ZBTB8B: variants seen among roughly 807,000 people sequenced by gnomAD.
ZBTB8B encodes the protein zinc finger and BTB domain containing 8B.
A neutral mutation model predicts 30.3 loss-of-function variants in ZBTB8B; 17 were observed. The observed-to-expected ratio is 0.56, with a 90% CI of 0.38 to 0.84. The LOEUF (loss-of-function observed/expected upper bound fraction) is 0.84. Ranked by LOEUF, ZBTB8B falls within the 40% of genes least tolerant of loss-of-function variation. ZBTB8B has a pLI of 0.00. For synonymous variants in ZBTB8B, 248 were observed against 255.6 expected, an observed-to-expected ratio of 0.97 and a Z score of 0.28; for missense variants, 515 against 644.9, an observed-to-expected ratio of 0.80 and a Z score of 2.18.
Position 32,471,286 on chromosome 1 carries a change from C to T in ZBTB8B, c.662C>T (p.Ser221Phe), listed in dbSNP as rs1278051685. The T allele has an allele frequency of 6.4e-7, 1 of 1,551,812 alleles. No homozygotes were observed. The highest frequency in any genetic ancestry group is 2.0e-5 in the Admixed American group (1 of 51,014). ...GGTGGCTCGGCTGACAGCAACCTCT[C>T]TACTCCACCCAAACGGATAGAGCCC... ...LGGGSADSNL[S>F]TPPKRIEPKV... Residue 221 changes from serine (S) to phenylalanine (F), a missense_variant, in exon 2 of 4, where the codon TCT becomes TTT. By Grantham distance (155) the Ser-to-Phe change is radical. Coordinates refer to ENST00000609129, the MANE Select transcript of ZBTB8B (RefSeq NM_001145720.2).
chr1:32,468,890 T>C (rs773430539), intron 1 of ZBTB8B, among the ~76,000 whole-genome samples: 1 of 151,150 alleles, frequency 6.6e-6, no homozygotes, highest in South Asian at 2.1e-4. Context: ...TCTCAAAGTT[T>C]TGAATTGGGA....
rs1229809576 is a variant in ZBTB8B at position 32,470,780 on chromosome 1, G to A, written c.156G>A (p.Leu52=). The change falls in exon 2 of 4, where the codon CTG becomes CTA. Residue 52 remains leucine, a synonymous_variant. Coordinates refer to ENST00000609129, the MANE Select transcript of ZBTB8B (RefSeq NM_001145720.2). ...LFANSGYFRA[L]LIHYIQDSGR... is the part of the protein sequence containing the mutation. ...CTAACAGCGGCTACTTCCGAGCCCTGCTCATTCACTATATCCAGGACAGCG... is the reference window on the plus strand; with the variant it reads ...CTAACAGCGGCTACTTCCGAGCCCTACTCATTCACTATATCCAGGACAGCG... 5 of 1,551,794 alleles carry A rather than the reference G, an allele frequency of 3.2e-6. No individual in the cohort carries two copies. The highest frequency in any genetic ancestry group is 2.6e-6 in the Non-Finnish European group (3 of 1,147,016).
chr1:32,481,029 G>T lies in ZBTB8B; in HGVS notation c.1130G>T (p.Arg377Met). The change falls in exon 3 of 4, where the codon AGG (arginine) becomes ATG (methionine). Residue 377 changes from arginine to methionine, a missense_variant. Arg to Met is a moderately conservative substitution (Grantham distance 91). This residue lies in a region of ZBTB8B where 429 missense variants were observed against 504.3 expected (regional missense o/e 0.85). Coordinates refer to ENST00000609129, the MANE Select transcript of ZBTB8B (RefSeq NM_001145720.2). ...RPYPCETCGK[R>M]FTRQEHLRSH... Reference sequence around the variant, plus strand: ...TACCCCTGTGAGACCTGCGGCAAGAGGTTCACTCGACAAGAGCACCTGCGG... The same window carrying T: ...TACCCCTGTGAGACCTGCGGCAAGATGTTCACTCGACAAGAGCACCTGCGG... 1 of 1,552,062 alleles carries T rather than the reference G, an allele frequency of 6.4e-7. No individual in the cohort carries two copies. The highest frequency in any genetic ancestry group is 8.7e-7 in the Non-Finnish European group (1 of 1,147,116).
At chr1:32,479,389 G>C (rs1051382542) in intron 2 of ZBTB8B, among the ~76,000 whole-genome samples, 3 of 152,228 alleles carry the variant, frequency 2.0e-5, no homozygotes, top group African/African-American at 7.2e-5. Context: ...TGGGCATGGT[G>C]GTGGGTGGCT....
chr1:32,479,840 A>G (rs1056085356), intron 2 of ZBTB8B, among the ~76,000 whole-genome samples: 2 of 152,238 alleles, frequency 1.3e-5, no homozygotes, highest in African/African-American at 4.8e-5. Flanking sequence ...TGGTTATATG[A>G]GCAAGGTGAG....
chr1:32,476,914 A>G (rs1370398398), intron 2 of ZBTB8B, among the ~76,000 whole-genome samples: 1 of 152,244 alleles, frequency 6.6e-6, no homozygotes, highest in Non-Finnish European at 1.5e-5. Flanking sequence ...ACCCTAGAAC[A>G]GAGCCTGACA....
At chr1:32,476,775 C>T (rs1482591685) in intron 2 of ZBTB8B, among the ~76,000 whole-genome samples, 11 of 145,430 alleles carry the variant, frequency 7.6e-5, no homozygotes, top group African/African-American at 2.6e-4. Flanking sequence ...GGCAACAGAG[C>T]GAGACTCTGT....
chr1:32,470,583 G>A lies in ZBTB8B; in HGVS notation c.-41-1G>A. On this transcript the variant is annotated splice_acceptor_variant, in intron 1 of 3. Coordinates refer to ENST00000609129, the MANE Select transcript of ZBTB8B (RefSeq NM_001145720.2). LOFTEE classifies it low-confidence loss of function (5UTR_SPLICE). The stretch of plus-strand genomic sequence containing the variant: ...AATTAACTTAAGAAAAATCTTGGCA[G>A]AGATACAGGTTTGCTCTGGAGCAGC... 6.7e-7 allele frequency: 1 copy of A among 1,488,324 alleles called. No homozygotes were observed. Among genetic ancestry groups the A allele is most frequent in the Non-Finnish European group, 9.0e-7 (1 of 1,114,324 alleles). The allele number at this position is 1,488,324 out of a possible 1,614,324, so 92.2% of individuals were successfully genotyped here. A position where few individuals can be genotyped will look rare whatever the true frequency, so the allele number is the denominator to read the frequency against.
chr1:32,471,124 G>T lies in ZBTB8B; in HGVS notation c.500G>T (p.Gly167Val). Residue 167 changes from glycine to valine, a missense_variant, in exon 2 of 4, where the codon GGG (glycine) becomes GTG (valine). This residue lies in a region of ZBTB8B where 429 missense variants were observed against 504.3 expected (regional missense o/e 0.85). Coordinates refer to ENST00000609129, the MANE Select transcript of ZBTB8B (RefSeq NM_001145720.2). ...DSESPSSGRE[G>V]TSCGTKSLVS... The stretch of plus-strand genomic sequence containing the variant: ...GAAAGCCCCAGTTCAGGCCGGGAGG[G>T]GACCTCCTGTGGTACCAAGAGCTTG... 1 of 1,551,630 alleles carries T rather than the reference G, an allele frequency of 6.4e-7. No individual in the cohort carries two copies. The highest frequency in any genetic ancestry group is 8.7e-7 in the Non-Finnish European group (1 of 1,146,990).
At chr1:32,471,716 G>A in intron 2 of ZBTB8B, 101 bp downstream of exon 2, 2 of 1,305,594 alleles carry the variant, frequency 1.5e-6, no homozygotes, top group Non-Finnish European at 2.1e-6. Flanking sequence ...CATCATCATT[G>A]TCACTACCAA....
chr1:32,494,362 G>C lies in ZBTB8B; in HGVS notation c.*8944G>C, dbSNP rs2148190471. 1 of 152,212 alleles carries C rather than the reference G, an allele frequency of 6.6e-6. No individual in the cohort carries two copies. Among genetic ancestry groups the C allele is most frequent in the East Asian group, 1.9e-4 (1 of 5,182 alleles). The allele number at this position is 152,212 out of a possible 1,614,324, so 9.4% of individuals were successfully genotyped here. On this transcript the variant is annotated 3_prime_UTR_variant, in exon 4 of 4. Transcript: ENST00000609129. ...TAGGATCAGAAACCAGGTCCTGCCAGGCCAGTCCTGATAATAGACAGACAT... is the reference window on the plus strand; with the variant it reads ...TAGGATCAGAAACCAGGTCCTGCCACGCCAGTCCTGATAATAGACAGACAT...
In ZBTB8B at chr1:32,485,190, G is replaced by A. The variant is rs1463210301; in HGVS notation, c.1260G>A (p.Leu420=). Residue 420 remains leucine, a synonymous_variant, in exon 4 of 4, where the codon CTG becomes CTA. Transcript: ENST00000609129. ...CCCAGGGGCTGCGGCGCTTCGGGCT[G>A]TGTGACAGCTGCACCTGCGTTACAG... ...HLSQGLRRFG[L]CDSCTCVTDT... 1.9e-6 allele frequency: 3 copies of A among 1,551,990 alleles called. No homozygotes were observed. Among genetic ancestry groups the A allele is most frequent in the Non-Finnish European group, 1.7e-6 (2 of 1,147,056 alleles).
intron 2 of ZBTB8B, among the ~76,000 whole-genome samples, chr1:32,479,912 A>G (rs1451816536): frequency 6.6e-6 from 1 of 152,236 alleles, no homozygotes; most frequent in East Asian, 1.9e-4. Context: ...AGATATATAG[A>G]GTTAATATAA....
At chr1:32,479,779 T>A (rs1643691042) in intron 2 of ZBTB8B, among the ~76,000 whole-genome samples, 2 of 152,186 alleles carry the variant, frequency 1.3e-5, no homozygotes, top group Admixed American at 1.3e-4. Context: ...TCACAGAACT[T>A]GAATGGAACA....
At chr1:32,470,534 T>C (rs1284240811) in intron 1 of ZBTB8B, 50 bp from the exon 2 acceptor site, 2 of 973,418 alleles carry the variant, frequency 2.1e-6, no homozygotes, top group Non-Finnish European at 2.8e-6. Context: ...AAAGAAATCT[T>C]GTTTGTAAAG....
chr1:32,489,953 G>A lies in ZBTB8B; in HGVS notation c.*4535G>A, dbSNP rs1284349223. 6.6e-6 allele frequency: 1 copy of A among 152,196 alleles called. No homozygotes were observed. The highest frequency in any genetic ancestry group is 2.4e-5 in the African/African-American group (1 of 41,450). 9.4% of individuals were successfully genotyped at this position (152,196 alleles called of 1,614,324 possible). On this transcript the variant is annotated 3_prime_UTR_variant, in exon 4 of 4. Coordinates refer to ENST00000609129, the MANE Select transcript of ZBTB8B (RefSeq NM_001145720.2). ...CTGCTGACCTAGTGTTCTGCAACAT[G>A]TTATGGAATTGAGTATTCTGGTGGT...
intron 3 of ZBTB8B, among the ~76,000 whole-genome samples, chr1:32,483,112 C>T (rs929673687): frequency 6.6e-6 from 1 of 151,528 alleles, no homozygotes; most frequent in African/African-American, 2.4e-5. Flanking sequence ...GTTCCTAGGC[C>T]CAGCACGGTG....
rs1643784609 is a variant in ZBTB8B, at chr1:32,492,301, T to C, written c.*6883T>C. On this transcript the variant is annotated 3_prime_UTR_variant, in exon 4 of 4. Transcript: ENST00000609129. ...CAGGCTCTTGGTAACCGTGCCTTTT[T>C]TTTTTTTTTTTTTTTTTTAAAGATG... 6.3e-6 allele frequency: 1 copy of C among 159,026 alleles called. No homozygotes were observed. The allele number at this position is 159,026 out of a possible 1,614,324, so 9.9% of individuals were successfully genotyped here. A position where few individuals can be genotyped will look rare whatever the true frequency, so the allele number is the denominator to read the frequency against.
chr1:32,487,280 G>A lies in ZBTB8B; in HGVS notation c.*1862G>A, dbSNP rs1643752638. 1 of 152,220 alleles carries A rather than the reference G, an allele frequency of 6.6e-6. No individual in the cohort carries two copies. Among genetic ancestry groups the A allele is most frequent in the Non-Finnish European group, 1.5e-5 (1 of 68,042 alleles). 9.4% of individuals were successfully genotyped at this position (152,220 alleles called of 1,614,324 possible). A position where few individuals can be genotyped will look rare whatever the true frequency, so the allele number is the denominator to read the frequency against. On this transcript the variant is annotated 3_prime_UTR_variant, in exon 4 of 4. Transcript: ENST00000609129. Reference sequence around the variant, plus strand: ...TGCAACTCAAACTCTGGCCCACAGAGAGGCCCTGTTCTGTAAACTGTTTTC... The same window carrying A: ...TGCAACTCAAACTCTGGCCCACAGAAAGGCCCTGTTCTGTAAACTGTTTTC...
Sources: gnomAD v4.1 joint callset for allele counts (sites outside exome capture counted in the v4.1 genomes callset) on GRCh38, gnomAD v4.1.1 for gene constraint, gnomAD v4.1.1 regional missense constraint, MANE v1.5 for transcripts, NCBI Gene and HGNC (gene_info 2026-07-23, HGNC 2026-07-21) for gene names.